Variants in PRKAG2 observed in about 807,000 individuals in gnomAD.
The protein encoded by PRKAG2 is 5'-AMP-activated protein kinase subunit gamma-2.
A neutral mutation model predicts 69.6 loss-of-function variants in PRKAG2; 26 were observed. The ratio of observed to expected loss-of-function variants is 0.37; its 90% confidence interval spans 0.27 to 0.52. The LOEUF (loss-of-function observed/expected upper bound fraction) is 0.52, where lower values mean the gene tolerates loss of function less well. Ranked by LOEUF, PRKAG2 falls within the 20% of genes least tolerant of loss-of-function variation. PRKAG2 has a pLI of 0.90. For synonymous variants in PRKAG2, 293 were observed against 285.0 expected (o/e 1.03, Z -0.28); for missense variants, 557 against 740.0 (o/e 0.75, Z 2.87).
intron 3 of PRKAG2, chr7:151,736,090 C>T: frequency 2.0e-6 from 3 of 1,520,768 alleles, no homozygotes; most frequent in Non-Finnish European, 2.6e-6. Flanking sequence ...GGAGCATCAG[C>T]CCGACAGGCA....
intron 1 of PRKAG2, among the ~76,000 whole-genome samples, chr7:151,798,354 G>A (rs1031854333): frequency 1.4e-4 from 21 of 149,958 alleles, no homozygotes; most frequent in Non-Finnish European, 3.0e-5. Flanking sequence ...TCACTCTGTC[G>A]CCCAGGCTGG....
At chr7:151,620,963 C>T (rs757576223) in intron 5 of PRKAG2, among the ~76,000 whole-genome samples, 3 of 152,172 alleles carry the variant, frequency 2.0e-5, no homozygotes, top group Admixed American at 2.0e-4. Flanking sequence ...CCTGAGCCGC[C>T]CACCTTGGCC....
rs34971340 is a variant in PRKAG2 at position 151,715,322 on chromosome 7, C to CAAAAAAAAAAAA, written c.467-39697_467-39686dup. Among the ~76,000 whole-genome samples, 43 of 62,444 alleles carry CAAAAAAAAAAAA rather than the reference C, an allele frequency of 6.9e-4. 2 individuals are homozygous for CAAAAAAAAAAAA. The highest frequency in any genetic ancestry group is 2.4e-3 in the African/African-American group (33 of 14,036). 41.0% of individuals were successfully genotyped at this position (62,444 alleles called of 152,430 possible). On this transcript the variant is annotated intron_variant, in intron 3 of 15. Transcript: ENST00000287878. ...TGAGCCACTGCACCTGGCCTAAAAG[C>CAAAAAAAAAAAA]AAAAAAAAAAAAAAAAAAAAAAAAA...
At chr7:151,770,878 T>C (rs562438348) in intron 3 of PRKAG2, among the ~76,000 whole-genome samples, 1 of 152,280 alleles carries the variant, frequency 6.6e-6, no homozygotes, top group African/African-American at 2.4e-5. Context: ...TCCCCGACTT[T>C]AGCATTAAGC....
chr7:151,862,741 G>A (rs938094674), intron 1 of PRKAG2, among the ~76,000 whole-genome samples: 11 of 152,214 alleles, frequency 7.2e-5, no homozygotes, highest in African/African-American at 2.2e-4. Flanking sequence ...TGTGGCTCCC[G>A]GATCCCCAGG....
In PRKAG2 at chr7:151,598,186, T is replaced by C. The variant is rs144193124; in HGVS notation, c.755-2732A>G. Among the ~76,000 whole-genome samples the C allele has an allele frequency of 9.9e-4, 151 of 152,302 alleles. 1 individual carries two copies. In the East Asian group the frequency reaches 0.021, roughly 21 times the overall value. On this transcript the variant is annotated intron_variant, in intron 5 of 15. Coordinates refer to ENST00000287878, the MANE Select transcript of PRKAG2 (RefSeq NM_016203.4). The stretch of plus-strand genomic sequence containing the variant: ...AGGATGAACCTAGAGGACACTGTGT[T>C]ACATGAAATAAGCCAGGCGTGGAAA...
intron 4 of PRKAG2, among the ~76,000 whole-genome samples, chr7:151,658,050 C>G (rs1182001657): frequency 1.3e-5 from 2 of 151,722 alleles, no homozygotes; most frequent in African/African-American, 4.8e-5. Flanking sequence ...CCCACCTACT[C>G]AGGAGGCTGA....
chr7:151,814,325 G>T lies in PRKAG2; in HGVS notation c.115-27784C>A. On this transcript the variant is annotated intron_variant, in intron 1 of 15. Transcript: ENST00000287878. This position sits in a 1 kb window ranked among gnomAD's most constrained non-coding sequence, Gnocchi z 4.8. Reference sequence around the variant, plus strand: ...ATTCAGCATCAGTCTTACACACCAAGGAGACAAAGCATCGTGAGGGGGAAA... The same window carrying T: ...ATTCAGCATCAGTCTTACACACCAATGAGACAAAGCATCGTGAGGGGGAAA... 1 of 910,404 alleles carries T rather than the reference G, an allele frequency of 1.1e-6. No homozygotes were observed. Among genetic ancestry groups the T allele is most frequent in the South Asian group, 5.6e-5 (1 of 17,954 alleles). 56.4% of individuals were successfully genotyped at this position (910,404 alleles called of 1,614,324 possible). A position where few individuals can be genotyped will look rare whatever the true frequency, so the allele number is the denominator to read the frequency against.
chr7:151,857,166 G>C (rs2079802550), intron 1 of PRKAG2, among the ~76,000 whole-genome samples: 1 of 149,850 alleles, frequency 6.7e-6, no homozygotes, highest in South Asian at 2.1e-4. Flanking sequence ...GAGTATAAGG[G>C]ATGGGCACAG....
intron 3 of PRKAG2, among the ~76,000 whole-genome samples, chr7:151,686,917 G>T (rs950972439): frequency 6.6e-6 from 1 of 151,842 alleles, no homozygotes; most frequent in Non-Finnish European, 1.5e-5. Context: ...TAATATGGAA[G>T]GTGAAAAAAT....
chr7:151,874,993 G>C lies in PRKAG2; in HGVS notation c.114+1514C>G, dbSNP rs79141650. 4.6e-3 allele frequency among the ~76,000 whole-genome samples: 701 copies of C among 152,356 alleles called. 41 individuals are homozygous for C. In the East Asian group the frequency reaches 0.12, roughly 25 times the overall value. ...ATTATTTCCTGCATTTGACAAATGG[G>C]AGAAACAGTAGTTACACGGTTAGCT... On this transcript the variant is annotated intron_variant, in intron 1 of 15. Coordinates refer to ENST00000287878, the MANE Select transcript of PRKAG2 (RefSeq NM_016203.4).
At chr7:151,787,452 T>A (rs1367905730) in intron 1 of PRKAG2, among the ~76,000 whole-genome samples, 1 of 151,918 alleles carries the variant, frequency 6.6e-6, no homozygotes, top group African/African-American at 2.4e-5. Flanking sequence ...ATAAGTAGCA[T>A]CAGGCAGTAT....
chr7:151,869,971 G>A (rs961303395), intron 1 of PRKAG2, among the ~76,000 whole-genome samples: 2 of 152,206 alleles, frequency 1.3e-5, no homozygotes, highest in Non-Finnish European at 2.9e-5. Flanking sequence ...GTGGCCTAAC[G>A]GGCTGGCCCA....
rs567195193 is a variant in PRKAG2 at position 151,776,930 on chromosome 7, A to G, written c.466+4222T>C. Among the ~76,000 whole-genome samples the G allele has an allele frequency of 2.6e-5, 4 of 152,228 alleles. No homozygotes were observed. The South Asian group carries it at 8.3e-4, about 32-fold the overall frequency. On this transcript the variant is annotated intron_variant, in intron 3 of 15. Transcript: ENST00000287878. Reference sequence around the variant, plus strand: ...AGGGGCCTCACAGTCTCTGCTTCTGAGCCCCAGCCTCATCCCCAGGACCCC... The same window carrying G: ...AGGGGCCTCACAGTCTCTGCTTCTGGGCCCCAGCCTCATCCCCAGGACCCC...
chr7:151,876,202 G>C (rs968876627), intron 1 of PRKAG2, among the ~76,000 whole-genome samples: 14 of 151,760 alleles, frequency 9.2e-5, no homozygotes, highest in Admixed American at 6.6e-5. Flanking sequence ...ACCCGCACCC[G>C]GCTGGATACC....
At chr7:151,643,755 A>G (rs1001895028) in intron 4 of PRKAG2, among the ~76,000 whole-genome samples, 1 of 152,182 alleles carries the variant, frequency 6.6e-6, no homozygotes, top group Non-Finnish European at 1.5e-5. Flanking sequence ...ATACCTCATA[A>G]TGCAAATCCT....
chr7:151,730,134 G>A (rs1798699058), intron 3 of PRKAG2, among the ~76,000 whole-genome samples: 1 of 152,202 alleles, frequency 6.6e-6, no homozygotes, highest in African/African-American at 2.4e-5. Flanking sequence ...AAATGGTGAA[G>A]ATGGTAAATT....
chr7:151,557,953 T>C lies in PRKAG2; in HGVS notation c.1679-721A>G, dbSNP rs954121995. On this transcript the variant is annotated intron_variant, in intron 15 of 15. Transcript: ENST00000287878. The stretch of plus-strand genomic sequence containing the variant: ...AGGATAATTGCACCTAACAAGTATC[T>C]GGCTAGGACATTCCACAGTGGATTG... 3.0e-6 allele frequency: 3 copies of C among 984,122 alleles called. No individual in the cohort carries two copies. The African/African-American group carries it at 5.2e-5, about 17-fold the overall frequency. 61.0% of individuals were successfully genotyped at this position (984,122 alleles called of 1,614,324 possible).
intron 5 of PRKAG2, among the ~76,000 whole-genome samples, chr7:151,613,843 GC>G (rs1819472761): frequency 8.2e-6 from 1 of 122,050 alleles, no homozygotes; most frequent in Non-Finnish European, 1.7e-5. Context: ...TCGCTCTGTT[GC>G]CCAGGCTGGA....
Sources: allele counts gnomAD v4.1 joint callset (sites outside exome capture counted in the v4.1 genomes callset), GRCh38; gene constraint gnomAD v4.1.1; non-coding constraint Gnocchi (gnomAD v3.1); transcripts MANE v1.5; gene names NCBI Gene and HGNC (gene_info 2026-07-23, HGNC 2026-07-21).